The following ZFR variants were observed in gnomAD, a reference collection of about 807,000 sequenced individuals.
ZFR encodes the protein zinc finger RNA-binding protein.
Under a neutral mutation model 130.7 loss-of-function variants are expected in ZFR, and 19 were observed. The observed-to-expected ratio is 0.15, with a 90% CI of 0.10 to 0.21. ZFR has a LOEUF of 0.21. Among genes scored for constraint, ZFR ranks in the 10% least tolerant of loss-of-function variants. ZFR has a pLI of 1.00. For synonymous variants in ZFR, 466 were observed against 456.9 expected (o/e 1.02, Z -0.25); for missense variants, 872 against 1,321.5 (o/e 0.66, Z 5.27).
chr5:32,444,049 G>A (rs980988667), intron 2 of ZFR, among the ~76,000 whole-genome samples, 180 bp downstream of exon 2: 71 of 138,546 alleles, frequency 5.1e-4, no homozygotes, highest in African/African-American at 1.7e-3. Context: ...GCCGGGCCGG[G>A]CCGGGCAAGG....
chr5:32,436,140 CTTTTTTTTTT>C (rs370998112), intron 2 of ZFR, among the ~76,000 whole-genome samples: 147 of 91,792 alleles, frequency 1.6e-3, no homozygotes, highest in African/African-American at 4.4e-3. Context: ...CAGTTGTATT[CTTTTTTTTTT>C]TTTTTTTTTT....
intron 5 of ZFR, among the ~76,000 whole-genome samples, chr5:32,413,991 A>G (rs1753768601): frequency 6.6e-6 from 1 of 152,044 alleles, no homozygotes; most frequent in African/African-American, 2.4e-5. Context: ...ATTCATTTCC[A>G]CCTGGTTGTC....
intron 17 of ZFR, among the ~76,000 whole-genome samples, chr5:32,376,514 C>T (rs569892302): frequency 5.9e-5 from 9 of 151,616 alleles, no homozygotes; most frequent in South Asian, 2.1e-4. Flanking sequence ...GGTGTGGTGG[C>T]GCATGCCTGT....
At chr5:32,420,787 C>T (rs1753938300) in intron 2 of ZFR, among the ~76,000 whole-genome samples, 1 of 152,144 alleles carries the variant, frequency 6.6e-6, no homozygotes. Flanking sequence ...CCGTGCATAA[C>T]AAAGAATTAT....
chr5:32,431,776 A>T, intron 2 of ZFR, among the ~76,000 whole-genome samples: 1 of 151,954 alleles, frequency 6.6e-6, no homozygotes. Context: ...TTGAAAAAAA[A>T]AAAAAAAAGA....
chr5:32,435,079 G>A (rs1308745061), intron 2 of ZFR, among the ~76,000 whole-genome samples: 1 of 151,980 alleles, frequency 6.6e-6, no homozygotes, highest in Non-Finnish European at 1.5e-5. Flanking sequence ...CCATGATGGG[G>A]GGTTAATTTT....
chr5:32,397,067 T>TG, intron 10 of ZFR, 152 bp downstream of exon 10: 1 of 750,776 alleles, frequency 1.3e-6, no homozygotes, highest in Non-Finnish European at 2.0e-6. Context: ...AACATCCATC[T>TG]GAGTCTACCA....
intron 2 of ZFR, among the ~76,000 whole-genome samples, chr5:32,425,491 A>G (rs1754052335): frequency 6.6e-6 from 1 of 152,250 alleles, no homozygotes; most frequent in African/African-American, 2.4e-5. Flanking sequence ...TTTTGAAACT[A>G]ATTTTTCATA....
At chr5:32,432,182 G>A (rs779156934) in intron 2 of ZFR, among the ~76,000 whole-genome samples, 10 of 152,054 alleles carry the variant, frequency 6.6e-5, no homozygotes, top group Non-Finnish European at 1.0e-4. Context: ...TGCTGGTCTC[G>A]CTATGTTGAG....
At chr5:32,422,210 T>C (rs79821590) in intron 2 of ZFR, among the ~76,000 whole-genome samples, 1 of 152,122 alleles carries the variant, frequency 6.6e-6, no homozygotes. Context: ...ATTTAACTTA[T>C]ACTGCCTCTG....
chr5:32,396,818 C>T (rs531630072), intron 10 of ZFR, among the ~76,000 whole-genome samples: 19 of 152,108 alleles, frequency 1.2e-4, no homozygotes, highest in Admixed American at 2.6e-4. Flanking sequence ...AGAATTCCTA[C>T]GCTAAGATAA....
chr5:32,354,658 T>C lies in ZFR; in HGVS notation c.*1102A>G, dbSNP rs1752267821. Reference sequence around the variant, plus strand: ...AGATAATTTTTTATCAGTAATACTTTATCAACCTCACTGTTAACAGAACTG... The same window carrying C: ...AGATAATTTTTTATCAGTAATACTTCATCAACCTCACTGTTAACAGAACTG... On this transcript the variant is annotated 3_prime_UTR_variant, in exon 20 of 20. Coordinates refer to ENST00000265069, the MANE Select transcript of ZFR (RefSeq NM_016107.5). The C allele has an allele frequency of 6.6e-6, 1 of 152,658 alleles. No homozygotes were observed. The highest frequency in any genetic ancestry group is 1.5e-5 in the Non-Finnish European group (1 of 68,028). The allele number at this position is 152,658 out of a possible 1,614,324, so 9.5% of individuals were successfully genotyped here.
In ZFR at chr5:32,411,709, A is replaced by C. The variant is rs58375012; in HGVS notation, c.784+3260T>G. Reference sequence around the variant, plus strand: ...GTCTCAAAAAAAAAAAAAAAAATTGAGGGGGGGCGGGGAATAGAAAATATA... The same window carrying C: ...GTCTCAAAAAAAAAAAAAAAAATTGCGGGGGGGCGGGGAATAGAAAATATA... On this transcript the variant is annotated intron_variant, in intron 5 of 19. Coordinates refer to ENST00000265069, the MANE Select transcript of ZFR (RefSeq NM_016107.5). 6.6e-3 allele frequency among the ~76,000 whole-genome samples: 486 copies of C among 73,088 alleles called. 74 individuals carry two copies. The highest frequency in any genetic ancestry group is 0.027 in the Middle Eastern group (3 of 110). 47.9% of individuals were successfully genotyped at this position (73,088 alleles called of 152,430 possible). A position where few individuals can be genotyped will look rare whatever the true frequency, so the allele number is the denominator to read the frequency against.
In ZFR at chr5:32,385,662, G is replaced by A; in HGVS notation, c.2500-13C>T. 2 of 1,609,834 alleles carry A rather than the reference G, an allele frequency of 1.2e-6. No homozygotes were observed. Among genetic ancestry groups the A allele is most frequent in the Non-Finnish European group, 8.5e-7 (1 of 1,178,216 alleles). ...CAGGGCTTATAACCTGTGTAATGAA[G>A]ATGATAAGAAACAAATTGGATCTGT... On this transcript the variant is annotated splice_polypyrimidine_tract_variant and intron_variant, in intron 14 of 19. Coordinates refer to ENST00000265069, the MANE Select transcript of ZFR (RefSeq NM_016107.5).
At chr5:32,423,753 T>A in intron 2 of ZFR, among the ~76,000 whole-genome samples, 1 of 151,936 alleles carries the variant, frequency 6.6e-6, no homozygotes, top group South Asian at 2.1e-4. Context: ...CCTAGAGACA[T>A]AGCATTTTAC....
chr5:32,425,411 T>A (rs1754049689), intron 2 of ZFR, among the ~76,000 whole-genome samples: 1 of 24,998 alleles, frequency 4.0e-5, no homozygotes, highest in Non-Finnish European at 7.5e-5. Context: ...AAGCAAATTT[T>A]AGAATATTCT....
chr5:32,364,150 AAAGT>A lies in ZFR; in HGVS notation c.2947+10_2947+13del, dbSNP rs1195021239. ...AACTTCATTTTACTTCATTAAAAAC[AAAGT>A]AAGAGTTACCTTTAAGAATAATCCC... On this transcript the variant is annotated intron_variant, in intron 18 of 19. Transcript: ENST00000265069. The A allele has an allele frequency of 1.2e-6, 2 of 1,602,092 alleles. No individual in the cohort carries two copies. The highest frequency in any genetic ancestry group is 1.7e-6 in the Non-Finnish European group (2 of 1,171,562).
chr5:32,417,182 T>C (rs1753847684), intron 4 of ZFR, among the ~76,000 whole-genome samples: 1 of 151,662 alleles, frequency 6.6e-6, no homozygotes, highest in Non-Finnish European at 1.5e-5. Context: ...GCAAACGAAA[T>C]GCTTCCTAGA....
At chr5:32,397,100 T>C in intron 10 of ZFR, 119 bp downstream of exon 10, 1 of 1,099,312 alleles carries the variant, frequency 9.1e-7, no homozygotes, top group Non-Finnish European at 1.3e-6. Context: ...AATCTTAGAA[T>C]GGGACATCAT....
Sources: allele counts gnomAD v4.1 joint callset (sites outside exome capture counted in the v4.1 genomes callset), GRCh38; gene constraint gnomAD v4.1.1; transcripts MANE v1.5; gene names NCBI Gene and HGNC (gene_info 2026-07-23, HGNC 2026-07-21).